The following CALN1 variants were observed in gnomAD, a reference collection of about 807,000 sequenced individuals.
CALN1 encodes the protein calcium-binding protein 8.
CALN1 carries 17 observed loss-of-function variants against 30.6 expected under a neutral mutation model. That is an observed-to-expected ratio of 0.56 (90% CI 0.38 to 0.83). The LOEUF (loss-of-function observed/expected upper bound fraction) is 0.83. CALN1 is among the 40% of genes least tolerant of loss of function. The probability of loss-of-function intolerance (pLI) is 0.00; values close to 1 mark genes in which losing one functional copy is unlikely to be tolerated. For synonymous variants in CALN1, 156 were observed against 131.4 expected, an observed-to-expected ratio of 1.19 and a Z score of -1.28; for missense variants, 291 against 354.9, an observed-to-expected ratio of 0.82 and a Z score of 1.45.
At chr7:72,434,095 A>C (rs1808063455) in intron 1 of CALN1, among the ~76,000 whole-genome samples, 1 of 152,010 alleles carries the variant, frequency 6.6e-6, no homozygotes, top group Non-Finnish European at 1.5e-5. Flanking sequence ...TTGGATTTGC[A>C]CAAATCACTT....
At chr7:71,822,794 A>C (rs915248569) in intron 5 of CALN1, among the ~76,000 whole-genome samples, 1 of 152,118 alleles carries the variant, frequency 6.6e-6, no homozygotes, top group Non-Finnish European at 1.5e-5. Flanking sequence ...GTTTAATTTG[A>C]GATTTATGAT....
At chr7:71,885,489 C>T (rs1216494117) in intron 5 of CALN1, among the ~76,000 whole-genome samples, 5 of 152,206 alleles carry the variant, frequency 3.3e-5, no homozygotes, top group Non-Finnish European at 7.3e-5. Context: ...ATTGATGTCT[C>T]CTGCCCCTTT....
At chr7:71,954,889 G>A in intron 5 of CALN1, among the ~76,000 whole-genome samples, 1 of 152,118 alleles carries the variant, frequency 6.6e-6, no homozygotes, top group East Asian at 1.9e-4. Flanking sequence ...CTCTACAGGG[G>A]AACAGACAGT....
intron 2 of CALN1, among the ~76,000 whole-genome samples, chr7:72,381,336 G>A (rs536954947): frequency 6.6e-6 from 1 of 152,190 alleles, no homozygotes; most frequent in East Asian, 1.9e-4. Context: ...CTATTACTGG[G>A]TATATACCCA....
intron 2 of CALN1, among the ~76,000 whole-genome samples, chr7:72,310,539 G>T (rs769394705): frequency 1.8e-4 from 27 of 151,954 alleles, no homozygotes; most frequent in Middle Eastern, 3.4e-3. Flanking sequence ...CTTGGGTAGT[G>T]CCAGCTCTCA....
intron 5 of CALN1, among the ~76,000 whole-genome samples, chr7:71,834,542 T>C (rs9638635): frequency 0.36 from 54,019 of 151,960 alleles, 11,322 homozygotes; most frequent in South Asian, 0.56. Flanking sequence ...TATTGTGTTC[T>C]GAGATGTAAA....
At chr7:71,883,255 A>C (rs1792694324) in intron 5 of CALN1, among the ~76,000 whole-genome samples, 2 of 152,234 alleles carry the variant, frequency 1.3e-5, no homozygotes, top group Non-Finnish European at 2.9e-5. Context: ...ACTCAGAAGT[A>C]TTTGGTGCTG....
rs146992060 is a variant in CALN1, at chr7:72,081,791, G to A, written c.388+24360C>T. 4.6e-4 allele frequency among the ~76,000 whole-genome samples: 70 copies of A among 152,102 alleles called. No homozygotes were observed. In the East Asian group the frequency reaches 0.011, roughly 25 times the overall value. Reference sequence around the variant, plus strand: ...ATCCAGATGGCTTCTTAATTGGAGCGGGCATCTCTCCTACCCCAGATACCT... The same window carrying A: ...ATCCAGATGGCTTCTTAATTGGAGCAGGCATCTCTCCTACCCCAGATACCT... On this transcript the variant is annotated intron_variant, in intron 4 of 6. Coordinates refer to ENST00000395275, the MANE Select transcript of CALN1 (RefSeq NM_031468.4).
intron 5 of CALN1, among the ~76,000 whole-genome samples, chr7:71,849,825 T>C (rs1260146037): frequency 6.6e-6 from 1 of 152,058 alleles, no homozygotes; most frequent in Admixed American, 6.6e-5. Context: ...TTTGTAGAGA[T>C]AGGGTCTATG....
chr7:72,250,108 C>A (rs1795453614), intron 3 of CALN1, among the ~76,000 whole-genome samples: 2 of 152,210 alleles, frequency 1.3e-5, no homozygotes, highest in African/African-American at 4.8e-5. Context: ...CCCAACACCA[C>A]TCTTTCTCAA....
intron 1 of CALN1, among the ~76,000 whole-genome samples, chr7:72,445,427 G>A (rs556558453): frequency 6.6e-6 from 1 of 152,164 alleles, no homozygotes; most frequent in East Asian, 1.9e-4. Context: ...CTGAGAGCAC[G>A]ACCTTTAAAA....
At chr7:72,084,608 G>A (rs1006478172) in intron 4 of CALN1, among the ~76,000 whole-genome samples, 6 of 151,956 alleles carry the variant, frequency 3.9e-5, no homozygotes, top group African/African-American at 1.2e-4. Flanking sequence ...TGATCCACCC[G>A]CCTCGGCCTC....
chr7:72,278,449 G>A (rs1462014457), intron 3 of CALN1, among the ~76,000 whole-genome samples: 5 of 148,562 alleles, frequency 3.4e-5, no homozygotes, highest in African/African-American at 7.4e-5. Context: ...ATCCACCATA[G>A]ATTGCTCAGG....
chr7:72,315,078 G>T (rs746063617), intron 2 of CALN1, among the ~76,000 whole-genome samples: 4 of 151,946 alleles, frequency 2.6e-5, no homozygotes, highest in Non-Finnish European at 5.9e-5. Context: ...TTAAGCTAGG[G>T]GTTCAAGGTG....
chr7:71,801,029 A>G (rs906737430), intron 6 of CALN1, among the ~76,000 whole-genome samples: 13 of 151,948 alleles, frequency 8.6e-5, no homozygotes, highest in African/African-American at 2.9e-4. Context: ...TGTTCTCATT[A>G]TTCAACTCCC....
rs920535074 is a variant in CALN1 at position 72,254,777 on chromosome 7, C to G, written c.244+23909G>C. Among the ~76,000 whole-genome samples, 71 of 151,954 alleles carry G rather than the reference C, an allele frequency of 4.7e-4. 1 individual carries two copies. The highest frequency in any genetic ancestry group is 1.6e-4 in the Non-Finnish European group (11 of 67,994). On this transcript the variant is annotated intron_variant, in intron 3 of 6. Transcript: ENST00000395275. ...ATAAATATTCTTTTTCTTTCCCCCCCGCTGAGACAGAGTCTTGCTTGCCCT... is the reference window on the plus strand; with the variant it reads ...ATAAATATTCTTTTTCTTTCCCCCCGGCTGAGACAGAGTCTTGCTTGCCCT...
At chr7:72,216,140 C>T (rs1027388641) in intron 3 of CALN1, among the ~76,000 whole-genome samples, 6 of 151,984 alleles carry the variant, frequency 3.9e-5, no homozygotes, top group Non-Finnish European at 5.9e-5. Context: ...TGGGGCTGGG[C>T]GGGGTAGCTC....
chr7:71,994,692 G>C (rs1465727841), intron 5 of CALN1, among the ~76,000 whole-genome samples: 1 of 151,978 alleles, frequency 6.6e-6, no homozygotes, highest in African/African-American at 2.4e-5. Flanking sequence ...TACAGAGAGG[G>C]GTCCTGGAGA....
chr7:72,484,035 C>CTTCACT, the CALN1 span, among the ~76,000 whole-genome samples: 1 of 152,092 alleles, frequency 6.6e-6, no homozygotes, highest in Non-Finnish European at 1.5e-5. Context: ...CATGTCTTTT[C>CTTCACT]TTCACTTTTG....
Sources: allele counts gnomAD v4.1 joint callset (sites outside exome capture counted in the v4.1 genomes callset), GRCh38; gene constraint gnomAD v4.1.1; transcripts MANE v1.5; gene names NCBI Gene and HGNC (gene_info 2026-07-23, HGNC 2026-07-21).